Variants in CAPZA2 observed in about 807,000 individuals in gnomAD.
CAPZA2 encodes F-actin-capping protein subunit alpha-2.
CAPZA2 carries 13 observed loss-of-function variants against 44.0 expected under a neutral mutation model. That is an observed-to-expected ratio of 0.30 (90% CI 0.19 to 0.47). The LOEUF (loss-of-function observed/expected upper bound fraction) is 0.47. Ranked by LOEUF, CAPZA2 falls within the 20% of genes least tolerant of loss-of-function variation. CAPZA2 has a pLI of 1.00. For synonymous variants in CAPZA2, 94 were observed against 108.2 expected (o/e 0.87, Z 0.81); for missense variants, 244 against 338.6 (o/e 0.72, Z 2.19).
chr7:116,869,754 C>T (rs1312343167), intron 1 of CAPZA2, among the ~76,000 whole-genome samples: 1 of 152,222 alleles, frequency 6.6e-6, no homozygotes. Context: ...GCAGAGAGCC[C>T]TGCTCAGGGA....
chr7:116,873,895 C>G (rs1157615543), intron 1 of CAPZA2: 1 of 153,100 alleles, frequency 6.5e-6, no homozygotes, highest in African/African-American at 2.4e-5. Flanking sequence ...GTGACACAGT[C>G]AAGGATTGCA....
intron 1 of CAPZA2, among the ~76,000 whole-genome samples, chr7:116,879,353 G>A (rs1796661978): frequency 6.6e-6 from 1 of 152,000 alleles, no homozygotes; most frequent in African/African-American, 2.4e-5. Context: ...ATTAGGATAA[G>A]TTTTTGTGAT....
chr7:116,877,394 A>T (rs1275611134), intron 1 of CAPZA2, among the ~76,000 whole-genome samples: 1 of 152,238 alleles, frequency 6.6e-6, no homozygotes, highest in Non-Finnish European at 1.5e-5. Flanking sequence ...CAAATCATGT[A>T]TATGAAGTGA....
intron 3 of CAPZA2, among the ~76,000 whole-genome samples, chr7:116,894,774 AT>A (rs1796902970): frequency 6.6e-6 from 1 of 152,138 alleles, no homozygotes; most frequent in Admixed American, 6.5e-5. Context: ...TGACTGGTCT[AT>A]TTTACTTAGC....
intron 4 of CAPZA2, among the ~76,000 whole-genome samples, chr7:116,900,871 A>C (rs549385195): frequency 1.3e-5 from 2 of 152,264 alleles, no homozygotes; most frequent in South Asian, 4.1e-4. Flanking sequence ...CACTTTTCCA[A>C]AGCAGACATA....
intron 8 of CAPZA2, 171 bp from the exon 9 acceptor site, chr7:116,915,889 T>C: frequency 2.3e-6 from 1 of 444,402 alleles, no homozygotes; most frequent in Non-Finnish European, 3.8e-6. Flanking sequence ...TTAAAATAAT[T>C]TTACCTATTT....
At chr7:116,862,689 C>T in intron 1 of CAPZA2, 39 bp downstream of exon 1, 1 of 1,508,334 alleles carries the variant, frequency 6.6e-7, no homozygotes, top group Admixed American at 2.1e-5. Context: ...CTGTCAGGAG[C>T]CGGCTCAGCC....
chr7:116,893,275 C>T (rs1268001957), intron 3 of CAPZA2, among the ~76,000 whole-genome samples: 5 of 152,150 alleles, frequency 3.3e-5, no homozygotes, highest in African/African-American at 9.6e-5. Context: ...GGACTACAGG[C>T]GCGCACCACC....
At chr7:116,887,993 G>A (rs1796785695) in intron 1 of CAPZA2, 134 bp from the exon 2 acceptor site, 1 of 618,574 alleles carries the variant, frequency 1.6e-6, no homozygotes, top group South Asian at 2.0e-5. Context: ...GTGATTGAGT[G>A]AAAAAGTATC....
intron 1 of CAPZA2, among the ~76,000 whole-genome samples, chr7:116,887,091 T>C (rs1018883285): frequency 6.6e-6 from 1 of 152,256 alleles, no homozygotes; most frequent in Non-Finnish European, 1.5e-5. Flanking sequence ...CTACATGTTT[T>C]ACTAATTTGT....
chr7:116,914,246 G>C (rs577747869), intron 8 of CAPZA2, among the ~76,000 whole-genome samples: 1 of 151,796 alleles, frequency 6.6e-6, no homozygotes, highest in East Asian at 1.9e-4. Flanking sequence ...AGCCAGGATG[G>C]TCTCGATCTC....
intron 4 of CAPZA2, among the ~76,000 whole-genome samples, chr7:116,903,274 G>A (rs910690319): frequency 7.6e-5 from 11 of 145,502 alleles, no homozygotes; most frequent in Non-Finnish European, 1.2e-4. Flanking sequence ...GTGTGTGTAC[G>A]TACACACACA....
At chr7:116,895,035 A>C (rs1173585612) in intron 3 of CAPZA2, among the ~76,000 whole-genome samples, 1 of 152,176 alleles carries the variant, frequency 6.6e-6, no homozygotes, top group East Asian at 1.9e-4. Flanking sequence ...TTTAAAGCTT[A>C]TTGAAACTTT....
chr7:116,904,931 G>T (rs13228847), intron 5 of CAPZA2, among the ~76,000 whole-genome samples: 24,914 of 144,804 alleles, frequency 0.17, 2,540 homozygotes, highest in East Asian at 0.3. Flanking sequence ...AGGAGTTCGA[G>T]ACCTGCCTGG....
intron 6 of CAPZA2, among the ~76,000 whole-genome samples, chr7:116,907,320 T>A (rs1440056394): frequency 6.6e-6 from 1 of 152,208 alleles, no homozygotes; most frequent in Admixed American, 6.5e-5. Context: ...TAGCCACAGT[T>A]CCCTAAAGGT....
In CAPZA2 at chr7:116,911,980, G is replaced by A. The variant is rs1791602961; in HGVS notation, c.586-89G>A. 35 of 1,577,784 alleles carry A rather than the reference G, an allele frequency of 2.2e-5. No homozygotes were observed. In the South Asian group the frequency reaches 3.1e-4, roughly 14 times the overall value. On this transcript the variant is annotated intron_variant, in intron 7 of 9. Transcript: ENST00000361183. Reference sequence around the variant, plus strand: ...GAAGTCTAGACTAGAGCTGAAATATGTAGTCAGTCTGCATTGATATGCTTG... The same window carrying A: ...GAAGTCTAGACTAGAGCTGAAATATATAGTCAGTCTGCATTGATATGCTTG...
intron 7 of CAPZA2, 94 bp from the exon 8 acceptor site, chr7:116,911,975 A>G: frequency 1.9e-6 from 3 of 1,573,440 alleles, no homozygotes; most frequent in Non-Finnish European, 2.6e-6. Flanking sequence ...CTAGAGCTGA[A>G]ATATGTAGTC....
intron 5 of CAPZA2, among the ~76,000 whole-genome samples, 198 bp from the exon 6 acceptor site, chr7:116,906,065 G>C (rs1791496020): frequency 6.6e-6 from 1 of 152,020 alleles, no homozygotes; most frequent in Non-Finnish European, 1.5e-5. Context: ...GTCCCCTTTT[G>C]TGGTCCACTA....
At chr7:116,881,394 C>T (rs1336504427) in intron 1 of CAPZA2, among the ~76,000 whole-genome samples, 1 of 151,884 alleles carries the variant, frequency 6.6e-6, no homozygotes, top group Non-Finnish European at 1.5e-5. Context: ...AATTTTTTTC[C>T]CCAGTCTTTA....
Sources: allele counts gnomAD v4.1 joint callset (sites outside exome capture counted in the v4.1 genomes callset), GRCh38; gene constraint gnomAD v4.1.1; transcripts MANE v1.5; gene names NCBI Gene and HGNC (gene_info 2026-07-23, HGNC 2026-07-21).